The following LARP1B variants were observed in gnomAD, a reference collection of about 807,000 sequenced individuals.
The protein encoded by LARP1B is La ribonucleoprotein 1B, also known as la-related protein 1B.
In LARP1B, 76 loss-of-function variants were observed where a neutral mutation model predicts 114.2. That is an observed-to-expected ratio of 0.67 (90% confidence interval 0.55 to 0.81). The LOEUF (loss-of-function observed/expected upper bound fraction) is 0.81. LARP1B is among the 30% of genes least tolerant of loss of function. The pLI, the probability that LARP1B is intolerant of heterozygous loss-of-function variation, is 0.00. For synonymous variants in LARP1B, 345 were observed against 348.0 expected, an observed-to-expected ratio of 0.99 and a Z score of 0.10; for missense variants, 1,014 against 1,075.8, an observed-to-expected ratio of 0.94 and a Z score of 0.80.
At chr4:128,145,560 C>T (rs1472826426) in intron 11 of LARP1B, among the ~76,000 whole-genome samples, 1 of 152,144 alleles carries the variant, frequency 6.6e-6, no homozygotes, top group Non-Finnish European at 1.5e-5. Flanking sequence ...CTTATTGCCC[C>T]CCTCTTCCCT....
intron 12 of LARP1B, among the ~76,000 whole-genome samples, chr4:128,167,223 A>G (rs1239553710): frequency 1.3e-5 from 2 of 151,816 alleles, no homozygotes; most frequent in Non-Finnish European, 2.9e-5. Flanking sequence ...TCCTTTGGGT[A>G]TATATATAAG....
At chr4:128,102,796 C>A (rs1780751372) in intron 8 of LARP1B, among the ~76,000 whole-genome samples, 1 of 152,034 alleles carries the variant, frequency 6.6e-6, no homozygotes, top group African/African-American at 2.4e-5. Flanking sequence ...TAAAATATAG[C>A]AAATAATACT....
At chr4:128,065,249 ATTAAT>A (rs1761951600) in intron 1 of LARP1B, among the ~76,000 whole-genome samples, 1 of 96,156 alleles carries the variant, frequency 1.0e-5, no homozygotes, top group Admixed American at 1.1e-4. Context: ...TTCTCCCACA[ATTAAT>A]TTCTTTCTTT....
At chr4:128,156,317 C>T in intron 11 of LARP1B, 1 of 682,788 alleles carries the variant, frequency 1.5e-6, no homozygotes. Flanking sequence ...GCAGCTGCTT[C>T]TCCATCCCTC....
chr4:128,181,844 C>T (rs182501968), intron 15 of LARP1B, among the ~76,000 whole-genome samples: 7 of 139,436 alleles, frequency 5.0e-5, no homozygotes, highest in East Asian at 2.1e-4. Flanking sequence ...CTCGCTCTGT[C>T]GCCCAGGCTG....
At chr4:128,111,209 G>C (rs1783994629) in intron 9 of LARP1B, among the ~76,000 whole-genome samples, 1 of 151,928 alleles carries the variant, frequency 6.6e-6, no homozygotes, top group Non-Finnish European at 1.5e-5. Context: ...GCCACGCCCG[G>C]CTATTTTTTT....
chr4:128,075,547 CT>C (rs1160065059), intron 3 of LARP1B, among the ~76,000 whole-genome samples: 155 of 144,624 alleles, frequency 1.1e-3, no homozygotes, highest in Middle Eastern at 3.6e-3. Context: ...TCTTTCTTTT[CT>C]TTTTTTTTTT....
At chr4:128,109,578 A>G (rs1208178573) in intron 9 of LARP1B, among the ~76,000 whole-genome samples, 1 of 152,156 alleles carries the variant, frequency 6.6e-6, no homozygotes, top group East Asian at 1.9e-4. Flanking sequence ...GTATTTTACT[A>G]TTAACTCTTA....
intron 9 of LARP1B, chr4:128,108,907 T>G (rs1313358651): frequency 1.1e-6 from 1 of 893,546 alleles, no homozygotes; most frequent in African/African-American, 1.8e-5. Flanking sequence ...AATCATAATG[T>G]TGTACATTTT....
chr4:128,069,805 CTT>C (rs1384013504), intron 1 of LARP1B, among the ~76,000 whole-genome samples: 1 of 151,828 alleles, frequency 6.6e-6, no homozygotes, highest in Non-Finnish European at 1.5e-5. Flanking sequence ...TTTTTTCTGT[CTT>C]TTTTATTCTT....
chr4:128,178,035 G>GATATATATATATATATATATAT lies in LARP1B; in HGVS notation c.1685-392_1685-371dup, dbSNP rs35878913. On this transcript the variant is annotated intron_variant, in intron 13 of 19. Coordinates refer to ENST00000326639, the MANE Select transcript of LARP1B (RefSeq NM_018078.4). ...AAAACATGAAAAAAGTTTACAAAGT[G>GATATATATATATATATATATAT]ATATATATATATATATATATATATA... is the stretch of plus-strand genomic sequence containing the variant. 7.7e-4 allele frequency among the ~76,000 whole-genome samples: 106 copies of GATATATATATATATATATATAT among 137,766 alleles called. 1 individual carries two copies. Among genetic ancestry groups the GATATATATATATATATATATAT allele is most frequent in the Admixed American group, 2.4e-3 (32 of 13,164 alleles). 90.4% of individuals were successfully genotyped at this position (137,766 alleles called of 152,430 possible). A position where few individuals can be genotyped will look rare whatever the true frequency, so the allele number is the denominator to read the frequency against.
At chr4:128,132,402 G>A (rs1373764895) in intron 11 of LARP1B, among the ~76,000 whole-genome samples, 7 of 151,844 alleles carry the variant, frequency 4.6e-5, no homozygotes, top group East Asian at 1.9e-4. Context: ...GCCCCACCAC[G>A]CTTGGCTAAT....
At chr4:128,098,377 C>T in intron 8 of LARP1B, 47 bp downstream of exon 8, 1 of 1,527,338 alleles carries the variant, frequency 6.5e-7, no homozygotes, top group South Asian at 1.2e-5. Context: ...CTCAAATTTC[C>T]TTTGTACCTA....
chr4:128,098,096 T>A (rs561651127), intron 7 of LARP1B, 90 bp from the exon 8 acceptor site: 4 of 991,864 alleles, frequency 4.0e-6, no homozygotes, highest in East Asian at 5.1e-5. Flanking sequence ...ATTTTCATGT[T>A]AATGATTGGT....
Position 128,082,246 on chromosome 4 carries a change from C to G in LARP1B, c.299C>G (p.Ser100Ter). ...GAAAGACCTGGATCCCGGAACAGCTCAAGATGTCAACCTGAAGCAAATAAA... is the reference window on the plus strand; with the variant it reads ...GAAAGACCTGGATCCCGGAACAGCTGAAGATGTCAACCTGAAGCAAATAAA... ...SQERPGSRNS[S>*]RCQPEANKPT... is the part of the protein sequence containing the mutation. Residue 100 changes from serine (S) to a stop codon, truncating the protein, a stop_gained, in exon 5 of 20, where the codon TCA becomes TGA. Coordinates refer to ENST00000326639, the MANE Select transcript of LARP1B (RefSeq NM_018078.4). LOFTEE classifies it high-confidence loss of function. 6.2e-7 allele frequency: 1 copy of G among 1,613,432 alleles called. No individual in the cohort carries two copies. The highest frequency in any genetic ancestry group is 8.5e-7 in the Non-Finnish European group (1 of 1,179,680).
At chr4:128,094,199 A>G (rs929826486) in intron 7 of LARP1B, among the ~76,000 whole-genome samples, 2 of 152,022 alleles carry the variant, frequency 1.3e-5, no homozygotes, top group Admixed American at 6.6e-5. Context: ...TGCTGGGATT[A>G]CAGGCGTGAG....
At position 128,091,114 on chromosome 4, in the gene LARP1B, G is replaced by C. The variant is rs1273384004; in HGVS notation, c.472G>C (p.Gly158Arg). The stretch of plus-strand genomic sequence containing the variant: ...AGGTCGAGGAAGAGGCCGAGGACGG[G>C]GAAGAGGACGAGGCAGAGGAAATCC... ...FRGRGRGRGR[G>R]RGRGRGNPRL... The change falls in exon 6 of 20, where the codon GGA becomes CGA. Residue 158 changes from glycine (G) to arginine (R), a missense_variant. By Grantham distance (125) the Gly-to-Arg change is moderately radical. Coordinates refer to ENST00000326639, the MANE Select transcript of LARP1B (RefSeq NM_018078.4). 1 of 1,613,792 alleles carries C rather than the reference G, an allele frequency of 6.2e-7. No individual in the cohort carries two copies. The highest frequency in any genetic ancestry group is 8.5e-7 in the Non-Finnish European group (1 of 1,179,820).
rs770589923 is a variant in LARP1B at position 128,077,929 on chromosome 4, G to A, written c.184G>A (p.Asp62Asn). 3.1e-6 allele frequency: 5 copies of A among 1,610,484 alleles called. No homozygotes were observed. The South Asian group carries it at 4.5e-5, about 14-fold the overall frequency. ...LNGPGENVSEDEAQSSNQRKR... is the reference protein window; with the variant it reads ...LNGPGENVSENEAQSSNQRKR... ...TGGTCCTGGTGAAAACGTCAGTGAG[G>A]ATGAGGCTCAGTCAAGTAATCAACG... The change falls in exon 4 of 20, where the codon GAT (aspartate) becomes AAT (asparagine). Residue 62 changes from aspartate to asparagine, a missense_variant. Physicochemically the swap from Asp to Asn is conservative, Grantham distance 23 (BLOSUM62 1). Coordinates refer to ENST00000326639, the MANE Select transcript of LARP1B (RefSeq NM_018078.4).
At chr4:128,128,609 C>G (rs1475547717) in intron 11 of LARP1B, among the ~76,000 whole-genome samples, 1 of 152,192 alleles carries the variant, frequency 6.6e-6, no homozygotes, top group African/African-American at 2.4e-5. Context: ...CTCACTGCTG[C>G]TGCCCTGCAT....
Sources: gnomAD v4.1 joint callset for allele counts (sites outside exome capture counted in the v4.1 genomes callset) on GRCh38, gnomAD v4.1.1 for gene constraint, MANE v1.5 for transcripts, NCBI Gene and HGNC (gene_info 2026-07-23, HGNC 2026-07-21) for gene names.